The following TMEM231 variants were observed in gnomAD, a reference collection of about 807,000 sequenced individuals.
TMEM231 encodes transmembrane protein 231.
Under a neutral mutation model 38.5 loss-of-function variants are expected in TMEM231, and 40 were observed. That is an observed-to-expected ratio of 1.04 (90% confidence interval 0.81 to 1.35). The LOEUF is 1.35. Among genes scored for constraint, TMEM231 ranks in the 40% most tolerant of loss-of-function variants. The pLI, the probability that TMEM231 is intolerant of heterozygous loss-of-function variation, is 0.00. For synonymous variants in TMEM231, 199 were observed against 181.7 expected (o/e 1.10, Z -0.77); for missense variants, 420 against 416.9 (o/e 1.01, Z -0.07).
chr16:75,541,523 T>A, intron 5 of TMEM231, 68 bp from the exon 6 acceptor site: 1 of 970,580 alleles, frequency 1.0e-6, no homozygotes. Flanking sequence ...GCTATAAAGA[T>A]TATTTGATAC....
At chr16:75,546,305 T>C (rs958824782) in intron 2 of TMEM231, among the ~76,000 whole-genome samples, 2 of 152,234 alleles carry the variant, frequency 1.3e-5, no homozygotes, top group Non-Finnish European at 2.9e-5. Context: ...TGAATTTGTA[T>C]GGAAATTTTA....
At chr16:75,545,096 C>T (rs1014162597) in intron 4 of TMEM231, among the ~76,000 whole-genome samples, 1 of 151,588 alleles carries the variant, frequency 6.6e-6, no homozygotes, top group African/African-American at 2.4e-5. Flanking sequence ...GCTAGGATTA[C>T]AGGCACGCAC....
intron 2 of TMEM231, among the ~76,000 whole-genome samples, chr16:75,546,270 T>G (rs1050111349): frequency 2.6e-4 from 40 of 152,326 alleles, no homozygotes; most frequent in African/African-American, 7.9e-4. Context: ...TGCACTGATA[T>G]TTTTTTCTTT....
chr16:75,540,708 T>A (rs1053138842), intron 6 of TMEM231, among the ~76,000 whole-genome samples: 1 of 152,232 alleles, frequency 6.6e-6, no homozygotes, highest in Non-Finnish European at 1.5e-5. Flanking sequence ...GGCAAGAATG[T>A]TTCACATAAC....
chr16:75,552,183 G>A (rs1243356894), intron 2 of TMEM231, among the ~76,000 whole-genome samples: 1 of 152,106 alleles, frequency 6.6e-6, no homozygotes, highest in Non-Finnish European at 1.5e-5. Flanking sequence ...GCTGGGCATG[G>A]TGGCTCATGC....
In TMEM231 at chr16:75,555,898, A is replaced by G. The variant is rs2080804986; in HGVS notation, c.215T>C (p.Leu72Pro). The change falls in exon 2 of 7, where the codon CTG becomes CCG. Residue 72 changes from leucine (L) to proline (P), a missense_variant. Physicochemically the swap from Leu to Pro is moderately conservative, Grantham distance 98. Transcript: ENST00000258173. ...GAACCCGTCGCTTTCGGGTCCGAGCAGGGCCACGAGCAGCACCTGGTGTTG... is the reference window on the plus strand; with the variant it reads ...GAACCCGTCGCTTTCGGGTCCGAGCGGGGCCACGAGCAGCACCTGGTGTTG... Reference protein sequence around the residue: ...RFQHQVLLVALLGPESDGFLA... With the variant: ...RFQHQVLLVAPLGPESDGFLA... The G allele has an allele frequency of 1.3e-6, 2 of 1,599,174 alleles. No homozygotes were observed. Among genetic ancestry groups the G allele is most frequent in the Non-Finnish European group, 1.7e-6 (2 of 1,173,496 alleles).
chr16:75,541,758 G>T, intron 5 of TMEM231: 1 of 193,972 alleles, frequency 5.2e-6, no homozygotes, highest in Non-Finnish European at 1.0e-5. Flanking sequence ...TAGCTGTGTG[G>T]GGAAGTATTT....
chr16:75,541,176 G>C (rs1441182591), intron 6 of TMEM231, among the ~76,000 whole-genome samples, 174 bp downstream of exon 6: 1 of 135,254 alleles, frequency 7.4e-6, no homozygotes, highest in Non-Finnish European at 1.5e-5. Context: ...ACTATGCCTG[G>C]CTAATTTTTT....
intron 2 of TMEM231, among the ~76,000 whole-genome samples, chr16:75,552,658 C>A (rs2151707661): frequency 6.6e-6 from 1 of 152,232 alleles, no homozygotes; most frequent in Non-Finnish European, 1.5e-5. Flanking sequence ...TGCTGATGCC[C>A]CTTCTTTTTA....
intron 2 of TMEM231, among the ~76,000 whole-genome samples, chr16:75,551,428 A>C (rs1202782179): frequency 2.0e-5 from 3 of 151,870 alleles, no homozygotes; most frequent in African/African-American, 4.8e-5. Context: ...TCCTGAGCTC[A>C]AGGGGCTAGC....
chr16:75,542,710 T>G, intron 4 of TMEM231, 27 bp from the exon 5 acceptor site: 1 of 1,609,482 alleles, frequency 6.2e-7, no homozygotes. Context: ...GGATGTGGTG[T>G]GAGCACCTGG....
chr16:75,541,521 G>T (rs551403624), intron 5 of TMEM231, 66 bp from the exon 6 acceptor site: 2 of 975,864 alleles, frequency 2.0e-6, no homozygotes, highest in South Asian at 1.9e-5. Flanking sequence ...AGGCTATAAA[G>T]ATTATTTGAT....
chr16:75,538,544 G>A lies in TMEM231; in HGVS notation c.*1450C>T, dbSNP rs542144691. The A allele has an allele frequency of 2.8e-4, 42 of 152,180 alleles. No homozygotes were observed. The highest frequency in any genetic ancestry group is 9.6e-4 in the African/African-American group (40 of 41,518). 9.4% of individuals were successfully genotyped at this position (152,180 alleles called of 1,614,324 possible). ...AAAAAGACAAGGGGGTCAGTGTTAG[G>A]GAATTCCTCTGCTTGAATACTTCAA... On this transcript the variant is annotated 3_prime_UTR_variant, in exon 7 of 7. Coordinates refer to ENST00000258173, the MANE Select transcript of TMEM231 (RefSeq NM_001077418.3).
intron 6 of TMEM231, 52 bp downstream of exon 6, chr16:75,541,298 G>A (rs1446946336): frequency 1.4e-6 from 2 of 1,395,594 alleles, no homozygotes; most frequent in African/African-American, 1.4e-5. Context: ...GAAATTATAG[G>A]CAGGAGCCAC....
chr16:75,549,944 G>A (rs1021560768), intron 2 of TMEM231, among the ~76,000 whole-genome samples: 7 of 152,078 alleles, frequency 4.6e-5, no homozygotes, highest in Admixed American at 2.0e-4. Context: ...CCTGACCTTG[G>A]GTGATCTGCC....
chr16:75,546,227 C>T, intron 2 of TMEM231: 1 of 911,332 alleles, frequency 1.1e-6, no homozygotes. Flanking sequence ...AGTATTTGTG[C>T]CTTTCAGTTG....
chr16:75,555,630 G>A (rs2151710259), intron 2 of TMEM231, 174 bp downstream of exon 2: 2 of 594,476 alleles, frequency 3.4e-6, no homozygotes, highest in Non-Finnish European at 5.4e-6. Context: ...GAATGAAACA[G>A]AAGATCGATT....
chr16:75,542,433 A>C (rs2080637564), intron 5 of TMEM231, 169 bp downstream of exon 5: 1 of 661,710 alleles, frequency 1.5e-6, no homozygotes, highest in Admixed American at 2.2e-5. Flanking sequence ...CCAGGTCTGA[A>C]GATCAGGACG....
At chr16:75,552,406 T>C (rs977963702) in intron 2 of TMEM231, among the ~76,000 whole-genome samples, 9 of 152,156 alleles carry the variant, frequency 5.9e-5, no homozygotes, top group Admixed American at 3.3e-4. Flanking sequence ...TGAGCCAAGA[T>C]TGCGCCACTG....
Sources: allele counts gnomAD v4.1 joint callset (sites outside exome capture counted in the v4.1 genomes callset), GRCh38; gene constraint gnomAD v4.1.1; transcripts MANE v1.5; gene names NCBI Gene and HGNC (gene_info 2026-07-23, HGNC 2026-07-21).